SRRM4: variants seen among roughly 807,000 people sequenced by gnomAD.
SRRM4 encodes serine/arginine repetitive matrix 4, also known as serine/arginine repetitive matrix protein 4.
SRRM4 carries 33 observed loss-of-function variants against 68.9 expected under a neutral mutation model. The observed-to-expected ratio is 0.48, with a 90% CI of 0.36 to 0.64. SRRM4 has a LOEUF of 0.64. Among genes scored for constraint, SRRM4 ranks in the 30% least tolerant of loss-of-function variants. The pLI, the probability that SRRM4 is intolerant of heterozygous loss-of-function variation, is 0.00. For synonymous variants in SRRM4, 318 were observed against 318.8 expected (o/e 1.00, Z 0.03); for missense variants, 817 against 827.1 (o/e 0.99, Z 0.15).
chr12:118,982,669 G>GTTTTTTTTTT (rs10533651), intron 1 of SRRM4, among the ~76,000 whole-genome samples: 22 of 115,696 alleles, frequency 1.9e-4, no homozygotes, highest in African/African-American at 5.3e-4. Context: ...GTTTTATTTT[G>GTTTTTTTTTT]TTTTTTTTTG....
Position 119,122,142 on chromosome 12 carries a change from T to G in SRRM4, c.515+22T>G, listed in dbSNP as rs966963457. On this transcript the variant is annotated intron_variant, in intron 6 of 12. Transcript: ENST00000267260. ...AACAGTAAGTAGATACTACCTGGAATGTACTCATCAGTTTGAGGAGTTGGG... is the reference window on the plus strand; with the variant it reads ...AACAGTAAGTAGATACTACCTGGAAGGTACTCATCAGTTTGAGGAGTTGGG... 8 of 1,565,932 alleles carry G rather than the reference T, an allele frequency of 5.1e-6. No individual in the cohort carries two copies. In the Admixed American group the frequency reaches 1.3e-4, roughly 26 times the overall value.
intron 3 of SRRM4, among the ~76,000 whole-genome samples, chr12:119,114,962 C>T (rs1190255476): frequency 6.6e-6 from 1 of 151,710 alleles, no homozygotes; most frequent in African/African-American, 2.4e-5. Context: ...CCGCGCCTGG[C>T]CGGAAGCATA....
chr12:119,044,412 T>A (rs1357723015), intron 1 of SRRM4, among the ~76,000 whole-genome samples: 1 of 151,922 alleles, frequency 6.6e-6, no homozygotes, highest in African/African-American at 2.4e-5. Flanking sequence ...AGGCCCAGAG[T>A]TTTTATTAAA....
At chr12:119,114,257 T>G in intron 2 of SRRM4, 21 bp from the exon 3 acceptor site, 1 of 1,603,834 alleles carries the variant, frequency 6.2e-7, no homozygotes, top group Non-Finnish European at 8.5e-7. Flanking sequence ...TATCTAATGC[T>G]CCTCTCTTTG....
intron 1 of SRRM4, among the ~76,000 whole-genome samples, chr12:119,082,858 G>C (rs1953957125): frequency 6.6e-6 from 1 of 152,214 alleles, no homozygotes; most frequent in Non-Finnish European, 1.5e-5. Context: ...CCTTCTCTGA[G>C]CCTTATATGG....
At chr12:119,067,145 C>T (rs528382039) in intron 1 of SRRM4, among the ~76,000 whole-genome samples, 4 of 117,584 alleles carry the variant, frequency 3.4e-5, no homozygotes, top group South Asian at 5.0e-4. Context: ...TATCCACTTT[C>T]CTTCATTTTT....
At chr12:119,096,872 T>C (rs1416810222) in intron 1 of SRRM4, among the ~76,000 whole-genome samples, 1 of 152,180 alleles carries the variant, frequency 6.6e-6, no homozygotes, top group Non-Finnish European at 1.5e-5. Flanking sequence ...GGGAAGCAGC[T>C]AGGGAGCCAG....
At chr12:119,146,503 T>C (rs2136066245) in intron 9 of SRRM4, among the ~76,000 whole-genome samples, 1 of 150,714 alleles carries the variant, frequency 6.6e-6, no homozygotes, top group African/African-American at 2.4e-5. Context: ...GGAAAATTGC[T>C]TGAACCCTGG....
intron 1 of SRRM4, among the ~76,000 whole-genome samples, chr12:119,025,509 A>G (rs1159324516): frequency 6.6e-6 from 1 of 151,782 alleles, no homozygotes; most frequent in Non-Finnish European, 1.5e-5. Flanking sequence ...CAATGGCATG[A>G]TCTTGGCTCA....
intron 1 of SRRM4, among the ~76,000 whole-genome samples, chr12:118,998,835 C>G (rs898982783): frequency 6.6e-6 from 1 of 152,222 alleles, no homozygotes; most frequent in Non-Finnish European, 1.5e-5. Context: ...ATTTATCTCT[C>G]TATTCCCAGT....
intron 1 of SRRM4, among the ~76,000 whole-genome samples, chr12:119,037,327 T>C (rs1953635900): frequency 6.6e-6 from 1 of 152,110 alleles, no homozygotes; most frequent in Admixed American, 6.5e-5. Context: ...GAAAATAGTT[T>C]TTCCAATCCA....
At chr12:119,129,677 T>G (rs1954281758) in intron 7 of SRRM4, among the ~76,000 whole-genome samples, 1 of 152,250 alleles carries the variant, frequency 6.6e-6, no homozygotes, top group Non-Finnish European at 1.5e-5. Flanking sequence ...TAAAGCTGCA[T>G]CCTCAGACCC....
chr12:119,026,695 T>A (rs1303958560), intron 1 of SRRM4, among the ~76,000 whole-genome samples: 1 of 152,086 alleles, frequency 6.6e-6, no homozygotes, highest in African/African-American at 2.4e-5. Flanking sequence ...ATTACCAGCG[T>A]GCACCACCTC....
At chr12:119,106,735 G>T (rs1300641847) in intron 2 of SRRM4, among the ~76,000 whole-genome samples, 1 of 152,128 alleles carries the variant, frequency 6.6e-6, no homozygotes, top group Non-Finnish European at 1.5e-5. Context: ...TTTATAAATA[G>T]ACAATCATGT....
intron 1 of SRRM4, among the ~76,000 whole-genome samples, chr12:119,070,882 C>T (rs1484302512): frequency 6.6e-6 from 1 of 152,156 alleles, no homozygotes; most frequent in Non-Finnish European, 1.5e-5. Context: ...TCCTCACTGG[C>T]CTGATTTCAG....
In SRRM4 at chr12:119,066,812, G is replaced by A. The variant is rs369415774; in HGVS notation, c.132-35424G>A. 6.8e-4 allele frequency among the ~76,000 whole-genome samples: 103 copies of A among 152,266 alleles called. 1 individual carries two copies. In the South Asian group the frequency reaches 0.019, roughly 29 times the overall value. ...TAAATCCACCATCATCTCTTGTCAC[G>A]ACGATGAATTCCTGCAAAGGCATCC... On this transcript the variant is annotated intron_variant, in intron 1 of 12. Transcript: ENST00000267260.
At chr12:119,042,379 A>C (rs752985107) in intron 1 of SRRM4, among the ~76,000 whole-genome samples, 9 of 152,026 alleles carry the variant, frequency 5.9e-5, no homozygotes, top group Non-Finnish European at 1.3e-4. Flanking sequence ...GCGACAGAGA[A>C]ACAAGACTTG....
intron 7 of SRRM4, among the ~76,000 whole-genome samples, chr12:119,128,011 A>T (rs1954271811): frequency 6.6e-6 from 1 of 152,196 alleles, no homozygotes; most frequent in Admixed American, 6.5e-5. Flanking sequence ...TTTAATCCAG[A>T]TGAGATGAGA....
chr12:119,091,806 A>G (rs1033774276), intron 1 of SRRM4, among the ~76,000 whole-genome samples: 3 of 152,104 alleles, frequency 2.0e-5, no homozygotes, highest in African/African-American at 7.2e-5. Flanking sequence ...TCCTCTGAGC[A>G]CACATGCCTT....
Sources: gnomAD v4.1 joint callset for allele counts (sites outside exome capture counted in the v4.1 genomes callset) on GRCh38, gnomAD v4.1.1 for gene constraint, MANE v1.5 for transcripts, NCBI Gene and HGNC (gene_info 2026-07-23, HGNC 2026-07-21) for gene names.